Variants in BNC2 observed in about 807,000 individuals in gnomAD.
BNC2 encodes basonuclin zinc finger protein 2, also known as zinc finger protein basonuclin-2.
In BNC2, 20 loss-of-function variants were observed where a neutral mutation model predicts 76.3. The ratio of observed to expected loss-of-function variants is 0.26; its 90% confidence interval spans 0.18 to 0.38. The LOEUF (loss-of-function observed/expected upper bound fraction) is 0.38, where lower values mean the gene tolerates loss of function less well. Ranked by LOEUF, BNC2 falls within the 10% of genes least tolerant of loss-of-function variation. The pLI is 1.00. For synonymous variants in BNC2, 582 were observed against 514.8 expected (o/e 1.13, Z -1.77); for missense variants, 1,382 against 1,399.8 (o/e 0.99, Z 0.20).
intron 1 of BNC2, among the ~76,000 whole-genome samples, chr9:16,746,788 C>G (rs1365656803): frequency 6.6e-6 from 1 of 151,642 alleles, no homozygotes; most frequent in Non-Finnish European, 1.5e-5. Flanking sequence ...ATGATGAAAC[C>G]TGTCTCTACT....
At chr9:16,756,883 C>G (rs192409250) in intron 1 of BNC2, among the ~76,000 whole-genome samples, 2 of 151,286 alleles carry the variant, frequency 1.3e-5, no homozygotes, top group Non-Finnish European at 2.9e-5. Context: ...CCCAGCTACT[C>G]GGGAGGCTGA....
intron 3 of BNC2, among the ~76,000 whole-genome samples, chr9:16,650,984 C>G (rs182472952): frequency 6.6e-6 from 1 of 152,114 alleles, no homozygotes; most frequent in Non-Finnish European, 1.5e-5. Flanking sequence ...TTAAAAACAA[C>G]CATTTCTATA....
intron 3 of BNC2, among the ~76,000 whole-genome samples, chr9:16,716,323 T>A (rs1823994632): frequency 6.6e-6 from 1 of 152,198 alleles, no homozygotes; most frequent in African/African-American, 2.4e-5. Flanking sequence ...CCATCTGACA[T>A]TTATACTTAC....
intron 1 of BNC2, among the ~76,000 whole-genome samples, chr9:16,813,564 CA>C (rs890613122): frequency 6.6e-6 from 1 of 151,970 alleles, no homozygotes; most frequent in Non-Finnish European, 1.5e-5. Context: ...CGCGCCCAGC[CA>C]AAAAACCATT....
chr9:16,866,024 C>T (rs1223674847), intron 1 of BNC2, among the ~76,000 whole-genome samples: 4 of 152,060 alleles, frequency 2.6e-5, no homozygotes, highest in Non-Finnish European at 5.9e-5. Context: ...AAGGACAAAT[C>T]TGGGTAGTTT....
chr9:16,518,948 TAG>T lies in BNC2; in HGVS notation c.669+33580_669+33581del. Among the ~76,000 whole-genome samples the T allele has an allele frequency of 2.6e-5, 4 of 152,338 alleles. No homozygotes were observed. In the South Asian group the frequency reaches 8.3e-4, roughly 32 times the overall value. ...CCAGAAAACAAATGTCTTTATCATATAGTTTGGTGAGTCAAACAAACAAACAA... is the reference window on the plus strand; with the variant it reads ...CCAGAAAACAAATGTCTTTATCATATTTTGGTGAGTCAAACAAACAAACAA... On this transcript the variant is annotated intron_variant, in intron 5 of 6. Transcript: ENST00000380672.
chr9:16,507,654 C>A (rs1822660439), intron 5 of BNC2, among the ~76,000 whole-genome samples: 1 of 152,152 alleles, frequency 6.6e-6, no homozygotes, highest in Non-Finnish European at 1.5e-5. Flanking sequence ...GTCTTGAACT[C>A]CTGACCTTGT....
At chr9:16,728,025 C>A (rs780860893) in intron 2 of BNC2, 28 bp from the exon 3 acceptor site, 1 of 1,603,564 alleles carries the variant, frequency 6.2e-7, no homozygotes, top group Non-Finnish European at 8.5e-7. Context: ...ATTTTTTGAG[C>A]CTCTTGGCAG....
intron 1 of BNC2, among the ~76,000 whole-genome samples, chr9:16,773,509 T>C (rs961672818): frequency 1.3e-5 from 1 of 78,898 alleles, no homozygotes; most frequent in Admixed American, 1.2e-4. Flanking sequence ...CGTCATGCAA[T>C]CAGAAAAAAA....
At chr9:16,825,930 A>G (rs1306056854) in intron 1 of BNC2, among the ~76,000 whole-genome samples, 1 of 152,132 alleles carries the variant, frequency 6.6e-6, no homozygotes, top group East Asian at 1.9e-4. Flanking sequence ...CACTTTCTAA[A>G]CTAGCAAACC....
intron 2 of BNC2, among the ~76,000 whole-genome samples, chr9:16,734,448 C>CCA (rs1824605296): frequency 6.6e-6 from 1 of 151,824 alleles, no homozygotes; most frequent in Non-Finnish European, 1.5e-5. Context: ...ATCACTGGCC[C>CCA]CTCTCATTAT....
At chr9:16,514,414 G>A (rs7037497) in intron 5 of BNC2, among the ~76,000 whole-genome samples, 5,403 of 152,264 alleles carry the variant, frequency 0.035, 326 homozygotes, top group African/African-American at 0.12. Flanking sequence ...GCAGAGCAGG[G>A]AGATCAGAAT....
intron 1 of BNC2, among the ~76,000 whole-genome samples, chr9:16,834,277 C>T (rs1490356985): frequency 1.3e-5 from 2 of 152,170 alleles, no homozygotes; most frequent in South Asian, 2.1e-4. Flanking sequence ...ATAAAAAATT[C>T]AGTGTTACAG....
intron 5 of BNC2, among the ~76,000 whole-genome samples, chr9:16,517,340 A>T (rs1045268092): frequency 1.3e-5 from 2 of 152,202 alleles, no homozygotes; most frequent in Non-Finnish European, 2.9e-5. Context: ...ACAGACTGAA[A>T]GGCAAGGATA....
intron 5 of BNC2, among the ~76,000 whole-genome samples, chr9:16,493,748 G>C (rs1292985703): frequency 6.6e-6 from 1 of 152,190 alleles, no homozygotes; most frequent in East Asian, 1.9e-4. Context: ...ACAGCAGGGG[G>C]CTAAGGCAGT....
intron 1 of BNC2, among the ~76,000 whole-genome samples, chr9:16,807,429 C>T (rs549180252): frequency 6.6e-6 from 1 of 152,278 alleles, no homozygotes; most frequent in East Asian, 1.9e-4. Context: ...ATTATTACAT[C>T]AGTCTACAAA....
At chr9:16,617,817 A>G (rs2133539853) in intron 3 of BNC2, among the ~76,000 whole-genome samples, 1 of 152,336 alleles carries the variant, frequency 6.6e-6, no homozygotes, top group South Asian at 2.1e-4. Context: ...TGCAGGAAGT[A>G]GGTATTATCC....
intron 1 of BNC2, among the ~76,000 whole-genome samples, chr9:16,759,371 A>G (rs2135366184): frequency 6.6e-6 from 1 of 152,346 alleles, no homozygotes; most frequent in East Asian, 1.9e-4. Flanking sequence ...CTTTAATGGA[A>G]AGTATGGTAA....
intron 5 of BNC2, among the ~76,000 whole-genome samples, chr9:16,511,420 CTTTTTTTTTTTT>C (rs758039548): frequency 1.9e-3 from 131 of 69,496 alleles, no homozygotes; most frequent in African/African-American, 7.3e-3. Context: ...AATAAATTTA[CTTTTTTTTTTTT>C]TTTTTTTTTT....
Sources: allele counts gnomAD v4.1 joint callset (sites outside exome capture counted in the v4.1 genomes callset), GRCh38; gene constraint gnomAD v4.1.1; transcripts MANE v1.5; gene names NCBI Gene and HGNC (gene_info 2026-07-23, HGNC 2026-07-21).